TTC21B: variants seen among roughly 807,000 people sequenced by gnomAD.
TTC21B encodes tetratricopeptide repeat protein 21B.
Under a neutral mutation model 175.1 loss-of-function variants are expected in TTC21B, and 127 were observed. That is an observed-to-expected ratio of 0.73 (90% CI 0.63 to 0.84). TTC21B has a LOEUF of 0.84. TTC21B is among the 40% of genes least tolerant of loss of function. The pLI, the probability that TTC21B is intolerant of heterozygous loss-of-function variation, is 0.00. For synonymous variants in TTC21B, 524 were observed against 524.5 expected (o/e 1.00, Z 0.01); for missense variants, 1,561 against 1,558.3 (o/e 1.00, Z -0.03).
chr2:165,950,180 T>C (rs1261172350), intron 1 of TTC21B, among the ~76,000 whole-genome samples: 2 of 151,962 alleles, frequency 1.3e-5, no homozygotes, highest in Non-Finnish European at 2.9e-5. Flanking sequence ...CATTACAAAG[T>C]AATGACAAAT....
At chr2:165,910,623 G>T (rs1685897938) in intron 18 of TTC21B, among the ~76,000 whole-genome samples, 1 of 151,924 alleles carries the variant, frequency 6.6e-6, no homozygotes, top group Non-Finnish European at 1.5e-5. Context: ...ATAATTTCAA[G>T]AAAATTAAGT....
chr2:165,892,577 T>A (rs1187061404), intron 22 of TTC21B, among the ~76,000 whole-genome samples: 10 of 152,174 alleles, frequency 6.6e-5, no homozygotes, highest in Non-Finnish European at 1.3e-4. Flanking sequence ...ACAACATGGA[T>A]GAACTGTGAA....
At chr2:165,938,315 A>C (rs983588745) in intron 6 of TTC21B, among the ~76,000 whole-genome samples, 1 of 152,192 alleles carries the variant, frequency 6.6e-6, no homozygotes, top group Non-Finnish European at 1.5e-5. Context: ...GTTTTTCTTT[A>C]TAGGTATTCT....
chr2:165,899,374 A>G (rs1234408865), intron 21 of TTC21B, among the ~76,000 whole-genome samples: 2 of 152,204 alleles, frequency 1.3e-5, no homozygotes, highest in Non-Finnish European at 2.9e-5. Context: ...TCTTAGACTG[A>G]TAATATGAAG....
intron 6 of TTC21B, among the ~76,000 whole-genome samples, chr2:165,940,659 A>G (rs1296951074): frequency 6.6e-6 from 1 of 152,112 alleles, no homozygotes; most frequent in Non-Finnish European, 1.5e-5. Flanking sequence ...TGAACCCCTC[A>G]ACACTCCCCA....
intron 13 of TTC21B, 29 bp from the exon 14 acceptor site, chr2:165,917,510 G>T (rs781165180): frequency 6.5e-7 from 1 of 1,540,532 alleles, no homozygotes; most frequent in East Asian, 2.2e-5. Context: ...TATTTCCTTG[G>T]AGTGCTTACA....
chr2:165,930,358 G>C lies in TTC21B; in HGVS notation c.901C>G (p.Arg301Gly). 1 of 1,606,648 alleles carries C rather than the reference G, an allele frequency of 6.2e-7. No individual in the cohort carries two copies. The highest frequency in any genetic ancestry group is 8.5e-7 in the Non-Finnish European group (1 of 1,175,996). The change falls in exon 9 of 29, where the codon CGT becomes GGT. Residue 301 changes from arginine to glycine, a missense_variant. Physicochemically the swap from Arg to Gly is moderately radical, Grantham distance 125. Transcript: ENST00000243344. The part of the protein sequence containing the change: ...ITLAFSRTCG[R>G]SQLILQKIQT... ...ATTTTTTGAAGAATAAGTTGACTAC[G>C]TCCACACTAAAAAGAAAAAAAAATG... is the stretch of plus-strand genomic sequence containing the variant.
chr2:165,924,576 G>A lies in TTC21B; in HGVS notation c.1489C>T (p.Leu497=), dbSNP rs1417001912. The A allele has an allele frequency of 6.2e-7, 1 of 1,613,414 alleles. No homozygotes were observed. The highest frequency in any genetic ancestry group is 8.5e-7 in the Non-Finnish European group (1 of 1,179,748). Reference sequence around the variant, plus strand: ...GACAAATATTTCACTTTTGCTATTAGGAAGACTGTTTGCAGAAGACCTGGA... The same window carrying A: ...GACAAATATTTCACTTTTGCTATTAAGAAGACTGTTTGCAGAAGACCTGGA... ...TVPGLLQTVF[L]IAKVKYLSGD... Residue 497 remains leucine (L), a synonymous_variant, in exon 12 of 29, where the codon CTA becomes TTA. Transcript: ENST00000243344.
chr2:165,924,544 T>C lies in TTC21B; in HGVS notation c.1516+5A>G. On this transcript the variant is annotated splice_donor_5th_base_variant and intron_variant, in intron 12 of 28. Transcript: ENST00000243344. The stretch of plus-strand genomic sequence containing the variant: ...AAGGTTAAAAGTTTTTAAGGTATAC[T>C]CTACCTGACAAATATTTCACTTTTG... 3 of 1,612,916 alleles carry C rather than the reference T, an allele frequency of 1.9e-6. No individual in the cohort carries two copies. The highest frequency in any genetic ancestry group is 2.2e-5 in the South Asian group (2 of 91,002).
rs1438142672 is a variant in TTC21B, at chr2:165,888,446, G to A, written c.3292C>T (p.Gln1098Ter). 6.2e-7 allele frequency: 1 copy of A among 1,613,576 alleles called. No homozygotes were observed. The highest frequency in any genetic ancestry group is 1.7e-5 in the Admixed American group (1 of 60,002). Residue 1098 changes from glutamine (Q) to a stop codon, truncating the protein, a stop_gained, in exon 25 of 29, where the codon CAA (glutamine) becomes TAA (stop). Coordinates refer to ENST00000243344, the MANE Select transcript of TTC21B (RefSeq NM_024753.5). LOFTEE classifies it high-confidence loss of function. ...GNSTEKQESV[Q>*]LAVRTAEKLL... ...TTTTCTGCTGTTCTTACTGCCAGTTGCACAGATTCTTGCTTCTCAGTTGAA... is the reference window on the plus strand; with the variant it reads ...TTTTCTGCTGTTCTTACTGCCAGTTACACAGATTCTTGCTTCTCAGTTGAA...
chr2:165,910,132 G>C (rs542646152), intron 18 of TTC21B, among the ~76,000 whole-genome samples: 1 of 152,080 alleles, frequency 6.6e-6, no homozygotes, highest in Admixed American at 6.6e-5. Context: ...GGCCAGGCGC[G>C]GTGGCTCACG....
At chr2:165,933,204 T>C (rs1686977986) in intron 6 of TTC21B, 147 bp from the exon 7 acceptor site, 2 of 630,346 alleles carry the variant, frequency 3.2e-6, no homozygotes, top group African/African-American at 1.8e-5. Flanking sequence ...TTTGTGAAAA[T>C]TATCAACTTT....
At chr2:165,910,607 C>T (rs937298668) in intron 18 of TTC21B, among the ~76,000 whole-genome samples, 1 of 152,062 alleles carries the variant, frequency 6.6e-6, no homozygotes, top group African/African-American at 2.4e-5. Flanking sequence ...GCAAACTAAA[C>T]ATCCAATAAT....
chr2:165,911,344 G>C lies in TTC21B; in HGVS notation c.2444C>G (p.Ala815Gly), dbSNP rs753677667. Reference sequence around the variant, plus strand: ...TTTCATACCAGGTTCATGAGCCAGAGCATGCTGAAGAACTTTTTCTGCTTT... The same window carrying C: ...TTTCATACCAGGTTCATGAGCCAGACCATGCTGAAGAACTTTTTCTGCTTT... ...YDKAEKVLQH[A>G]LAHEPVNELS... Residue 815 changes from alanine (A) to glycine (G), a missense_variant, in exon 18 of 29, where the codon GCT becomes GGT. Ala to Gly is a moderately conservative substitution (Grantham distance 60, BLOSUM62 0). Coordinates refer to ENST00000243344, the MANE Select transcript of TTC21B (RefSeq NM_024753.5). 3.1e-6 allele frequency: 5 copies of C among 1,613,854 alleles called. 1 individual carries two copies. In the South Asian group the frequency reaches 5.5e-5, roughly 18 times the overall value.
intron 19 of TTC21B, 29 bp downstream of exon 19, chr2:165,907,649 T>C (rs754636275): frequency 2.7e-6 from 4 of 1,480,776 alleles, no homozygotes; most frequent in Non-Finnish European, 2.8e-6. Context: ...TCCTACCTCA[T>C]GACCACACTC....
intron 14 of TTC21B, 43 bp from the exon 15 acceptor site, chr2:165,915,482 A>G: frequency 7.1e-7 from 1 of 1,402,384 alleles, no homozygotes; most frequent in Admixed American, 1.7e-5. Context: ...CAAAATAGTG[A>G]ACAAATAACA....
Position 165,927,093 on chromosome 2 carries a change from GATATATATATATATATATCCTAGTAGAT to G in TTC21B, c.1386+2014_1386+2041del, listed in dbSNP as rs1559064400. 1.9e-3 allele frequency among the ~76,000 whole-genome samples: 17 copies of G among 8,944 alleles called. 4 individuals carry two copies. The highest frequency in any genetic ancestry group is 0.01 in the African/African-American group (13 of 1,300). 5.9% of individuals were successfully genotyped at this position (8,944 alleles called of 152,430 possible). ...ATATATATATATATATATCCTAGTA[GATATATATATATATATATCCTAGTAGAT>G]ATATATATATATATATCCTAGTAGT... On this transcript the variant is annotated intron_variant, in intron 11 of 28. Coordinates refer to ENST00000243344, the MANE Select transcript of TTC21B (RefSeq NM_024753.5).
In TTC21B at chr2:165,901,821, A is replaced by G. The variant is rs1199529907; in HGVS notation, c.2658T>C (p.Ile886=). The G allele has an allele frequency of 5.6e-6, 9 of 1,614,014 alleles. No homozygotes were observed. Among genetic ancestry groups the G allele is most frequent in the Middle Eastern group, 1.6e-4 (1 of 6,084 alleles). Residue 886 remains isoleucine (I), a synonymous_variant, in exon 20 of 29, where the codon ATT becomes ATC. Transcript: ENST00000243344. ...VPAQKHLAAE[I]CAEIAKHSVA... ...CAGAATGTTTTGCAATCTCTGCACA[A>G]ATTTCAGCTGCTAAATGTTTCTGTG...
At chr2:165,906,781 GCTAAAAATA>G (rs1409717208) in intron 19 of TTC21B, among the ~76,000 whole-genome samples, 4 of 151,508 alleles carry the variant, frequency 2.6e-5, no homozygotes, top group Admixed American at 2.6e-4. Context: ...CCCTGTCTCT[GCTAAAAATA>G]CTAAAAATAC....
Sources: allele counts gnomAD v4.1 joint callset (sites outside exome capture counted in the v4.1 genomes callset), GRCh38; gene constraint gnomAD v4.1.1; transcripts MANE v1.5; gene names NCBI Gene and HGNC (gene_info 2026-07-23, HGNC 2026-07-21).